Variants in GRM4 observed in about 807,000 individuals in gnomAD.
The protein encoded by GRM4 is glutamate metabotropic receptor 4, also known as metabotropic glutamate receptor 4.
In GRM4, 28 loss-of-function variants were observed where a neutral mutation model predicts 81.7. The ratio of observed to expected loss-of-function variants is 0.34; its 90% CI spans 0.25 to 0.47. The LOEUF (loss-of-function observed/expected upper bound fraction) is 0.47. GRM4 is among the 20% of genes least tolerant of loss of function. The pLI is 1.00. For synonymous variants in GRM4, 488 were observed against 528.8 expected (o/e 0.92, Z 1.06); for missense variants, 948 against 1,290.0 (o/e 0.73, Z 4.06).
rs3778041 is a variant in GRM4, at chr6:34,023,201, C to T, written c.2690-331G>A. 2.3e-4 allele frequency among the ~76,000 whole-genome samples: 35 copies of T among 152,362 alleles called. No individual in the cohort carries two copies. In the East Asian group the frequency reaches 6.4e-3, roughly 28 times the overall value. ...TGACTCCTTCCTCTAGCACTCCTTC[C>T]CAAACCCCACTCCTGTGTGAGGGGC... is the stretch of plus-strand genomic sequence containing the variant. On this transcript the variant is annotated intron_variant, in intron 10 of 10. Transcript: ENST00000538487.
At chr6:34,117,259 A>G (rs566613825) in intron 2 of GRM4, among the ~76,000 whole-genome samples, 1 of 152,200 alleles carries the variant, frequency 6.6e-6, no homozygotes, top group Non-Finnish European at 1.5e-5. Context: ...AGCTGGGGGG[A>G]TTTAGAGACT....
chr6:34,139,815 G>A (rs996077264), intron 1 of GRM4, among the ~76,000 whole-genome samples: 50 of 152,202 alleles, frequency 3.3e-4, no homozygotes, highest in Non-Finnish European at 6.5e-4. Flanking sequence ...TCTGTTGTGT[G>A]CTCAAGCATA....
In GRM4 at chr6:34,022,950, G is replaced by A; in HGVS notation, c.2690-80C>T. ...TGTCCTTCCACATGGGCACAGCCCTGCACAAGAACCTACCATAGCTCCCCG... is the reference window on the plus strand; with the variant it reads ...TGTCCTTCCACATGGGCACAGCCCTACACAAGAACCTACCATAGCTCCCCG... On this transcript the variant is annotated intron_variant, in intron 10 of 10. Transcript: ENST00000538487. The surrounding 1 kb of genome is among the most constrained non-coding windows in gnomAD (Gnocchi z 5.6). 9.0e-7 allele frequency: 1 copy of A among 1,106,976 alleles called. No individual in the cohort carries two copies. 68.6% of individuals were successfully genotyped at this position (1,106,976 alleles called of 1,614,324 possible).
At position 34,080,344 on chromosome 6, in the gene GRM4, C is replaced by T. The variant is rs1767522644; in HGVS notation, c.736+11539G>A. 6.6e-6 allele frequency among the ~76,000 whole-genome samples: 1 copy of T among 152,170 alleles called. No individual in the cohort carries two copies. The highest frequency in any genetic ancestry group is 1.5e-5 in the Non-Finnish European group (1 of 68,036). On this transcript the variant is annotated intron_variant, in intron 3 of 10. Transcript: ENST00000538487. The surrounding 1 kb of genome is among the most constrained non-coding windows in gnomAD (Gnocchi z 5.4). ...GCAGCATCTTTCACAGCTGGTATCT[C>T]AAATTATAATTATACAGTGATGTGT...
chr6:34,044,314 A>T (rs1765186972), intron 6 of GRM4, among the ~76,000 whole-genome samples: 1 of 150,914 alleles, frequency 6.6e-6, no homozygotes, highest in Non-Finnish European at 1.5e-5. Flanking sequence ...ACACATATAT[A>T]CACAGACACA....
At chr6:34,117,945 G>A (rs546337527) in intron 2 of GRM4, among the ~76,000 whole-genome samples, 2 of 152,210 alleles carry the variant, frequency 1.3e-5, no homozygotes, top group African/African-American at 4.8e-5. Flanking sequence ...GGGCCCCTTG[G>A]GTGATGACCT....
At position 34,059,221 on chromosome 6, in the gene GRM4, C is replaced by T. The variant is rs1475057234; in HGVS notation, c.873-93G>A. 2.7e-6 allele frequency: 3 copies of T among 1,127,616 alleles called. No individual in the cohort carries two copies. Among genetic ancestry groups the T allele is most frequent in the Non-Finnish European group, 3.9e-6 (3 of 770,328 alleles). The allele number at this position is 1,127,616 out of a possible 1,614,324, so 69.9% of individuals were successfully genotyped here. On this transcript the variant is annotated intron_variant, in intron 4 of 10. Coordinates refer to ENST00000538487, the MANE Select transcript of GRM4 (RefSeq NM_000841.4). This position sits in a 1 kb window ranked among gnomAD's most constrained non-coding sequence, Gnocchi z 5.7. ...ACTTGCTTTGGGCCCACGTCCCTCA[C>T]CCCCAGAAGCCCAGGGTCCACAACT...
rs1767531006 is a variant in GRM4, at chr6:34,080,547, G to A, written c.736+11336C>T. ...TGAATAAATTACTGTGGAGGAAAGG[G>A]ATGCAAAGGCTGGAGGGCAGAAGGA... On this transcript the variant is annotated intron_variant, in intron 3 of 10. Transcript: ENST00000538487. The surrounding 1 kb of genome is among the most constrained non-coding windows in gnomAD (Gnocchi z 5.4). Among the ~76,000 whole-genome samples, 1 of 152,144 alleles carries A rather than the reference G, an allele frequency of 6.6e-6. No homozygotes were observed. The highest frequency in any genetic ancestry group is 2.4e-5 in the African/African-American group (1 of 41,434).
intron 1 of GRM4, among the ~76,000 whole-genome samples, chr6:34,145,526 C>G (rs1770891892): frequency 6.6e-6 from 1 of 152,168 alleles, no homozygotes; most frequent in African/African-American, 2.4e-5. Flanking sequence ...CGCCTGGCGG[C>G]GCCGCAACAG....
chr6:34,152,758 T>A lies in GRM4; in HGVS notation c.312+2321A>T, dbSNP rs1771070809. The stretch of plus-strand genomic sequence containing the variant: ...AGGGTAGAAAAGAATCTTTAATTCA[T>A]CAAACTGAAATATTAATAGAATTCT... On this transcript the variant is annotated intron_variant, in intron 1 of 8. Transcript: ENST00000374177. The surrounding 1 kb of genome is among the most constrained non-coding windows in gnomAD (Gnocchi z 4.1). Among the ~76,000 whole-genome samples, 1 of 152,068 alleles carries A rather than the reference T, an allele frequency of 6.6e-6. No individual in the cohort carries two copies. The highest frequency in any genetic ancestry group is 1.5e-5 in the Non-Finnish European group (1 of 68,020).
chr6:34,087,120 A>G (rs1460560905), intron 3 of GRM4, among the ~76,000 whole-genome samples: 2 of 148,308 alleles, frequency 1.3e-5, no homozygotes, highest in Non-Finnish European at 3.0e-5. Context: ...GTGAGACCCA[A>G]TCTCCAAAAA....
rs113407957 is a variant in GRM4 at position 34,115,868 on chromosome 6, T to A, written c.519+17110A>T. On this transcript the variant is annotated intron_variant, in intron 2 of 10. Transcript: ENST00000538487. This position sits in a 1 kb window ranked among gnomAD's most constrained non-coding sequence, Gnocchi z 4.1. ...AAATGACAGTGGCCAGACTGTGACC[T>A]CCATGGACGGTCAATCAATGGAAAG... is the stretch of plus-strand genomic sequence containing the variant. Among the ~76,000 whole-genome samples the A allele has an allele frequency of 2.0e-3, 308 of 152,292 alleles. No homozygotes were observed. The highest frequency in any genetic ancestry group is 6.1e-3 in the African/African-American group (255 of 41,554).
In GRM4 at chr6:34,059,426, CT is replaced by C; in HGVS notation, c.873-299del. ...TCCCTGCAAAGACCACACCTCTCCC[CT>C]CCAGATCCACACCCGCCCCACGTCT... On this transcript the variant is annotated intron_variant, in intron 4 of 10. Transcript: ENST00000538487. The surrounding 1 kb of genome is among the most constrained non-coding windows in gnomAD (Gnocchi z 5.7). 1 of 418,330 alleles carries C rather than the reference CT, an allele frequency of 2.4e-6. No homozygotes were observed. The allele number at this position is 418,330 out of a possible 1,614,324, so 25.9% of individuals were successfully genotyped here. A position where few individuals can be genotyped will look rare whatever the true frequency, so the allele number is the denominator to read the frequency against.
chr6:34,059,199 T>G lies in GRM4; in HGVS notation c.873-71A>C, dbSNP rs1766059618. 1.4e-6 allele frequency: 2 copies of G among 1,434,370 alleles called. No homozygotes were observed. Among genetic ancestry groups the G allele is most frequent in the Non-Finnish European group, 1.9e-6 (2 of 1,030,100 alleles). The allele number at this position is 1,434,370 out of a possible 1,614,324, so 88.9% of individuals were successfully genotyped here. A position where few individuals can be genotyped will look rare whatever the true frequency, so the allele number is the denominator to read the frequency against. On this transcript the variant is annotated intron_variant, in intron 4 of 10. Coordinates refer to ENST00000538487, the MANE Select transcript of GRM4 (RefSeq NM_000841.4). The surrounding 1 kb of genome is among the most constrained non-coding windows in gnomAD (Gnocchi z 5.7). ...AACTGCCCCCACTCCTGGCCACACT[T>G]GCTTTGGGCCCACGTCCCTCACCCC...
intron 2 of GRM4, among the ~76,000 whole-genome samples, chr6:34,093,603 G>A (rs1438607936): frequency 6.6e-6 from 1 of 152,192 alleles, no homozygotes; most frequent in African/African-American, 2.4e-5. Context: ...GGCCTAGCAA[G>A]GGGTCTGTGT....
intron 2 of GRM4, among the ~76,000 whole-genome samples, chr6:34,113,358 C>G (rs1157683063): frequency 2.0e-5 from 3 of 152,142 alleles, no homozygotes; most frequent in African/African-American, 7.2e-5. Flanking sequence ...CACTATGTTG[C>G]CCAGGCTGGT....
chr6:34,042,816 C>T lies in GRM4; in HGVS notation c.1169-2068G>A, dbSNP rs13216961. On this transcript the variant is annotated intron_variant, in intron 6 of 10. Coordinates refer to ENST00000538487, the MANE Select transcript of GRM4 (RefSeq NM_000841.4). This position sits in a 1 kb window ranked among gnomAD's most constrained non-coding sequence, Gnocchi z 4.2. ...GGTGCAGGGGATCTCACTGCCTCTC[C>T]CTGAGGCAGTACCCTCTAATCCCCT... 0.013 allele frequency among the ~76,000 whole-genome samples: 1,912 copies of T among 152,238 alleles called. 20 individuals carry two copies. Among genetic ancestry groups the T allele is most frequent in the Middle Eastern group, 0.041 (12 of 294 alleles).
intron 1 of GRM4, among the ~76,000 whole-genome samples, chr6:34,139,806 CTG>C (rs1221406420): frequency 6.6e-6 from 1 of 152,238 alleles, no homozygotes; most frequent in Non-Finnish European, 1.5e-5. Context: ...TCTCACAACT[CTG>C]TTGTGTGCTC....
At chr6:34,132,881 GA>G in intron 2 of GRM4, 96 bp downstream of exon 2, 1 of 1,013,978 alleles carries the variant, frequency 9.9e-7, no homozygotes. Flanking sequence ...AAAAAAGGAG[GA>G]AAAAGGGGCT....
Sources: allele counts gnomAD v4.1 joint callset (sites outside exome capture counted in the v4.1 genomes callset), GRCh38; gene constraint gnomAD v4.1.1; non-coding constraint Gnocchi (gnomAD v3.1); transcripts MANE v1.5; gene names NCBI Gene and HGNC (gene_info 2026-07-23, HGNC 2026-07-21).